Variants in CCDC178 observed in about 807,000 individuals in gnomAD.
The protein encoded by CCDC178 is coiled-coil domain containing 178, also known as coiled-coil domain-containing protein 178.
A neutral mutation model predicts 117.4 loss-of-function variants in CCDC178; 126 were observed. That is an observed-to-expected ratio of 1.07 (90% confidence interval 0.93 to 1.24). CCDC178 has a LOEUF of 1.24. Ranked by LOEUF, CCDC178 falls within the 50% of genes most tolerant of loss-of-function variation. The probability of loss-of-function intolerance (pLI) is 0.00; values close to 1 mark genes in which losing one functional copy is unlikely to be tolerated. For synonymous variants in CCDC178, 283 were observed against 313.4 expected (o/e 0.90, Z 1.02); for missense variants, 1,030 against 986.9 (o/e 1.04, Z -0.59).
rs117073249 is a variant in CCDC178, at chr18:33,383,935, T to C, written c.208+5605A>G. ...TTCGCTGAGCTAAAGGATTATGTTCTAACACAATGCAAAGAAGCTAAGAAC... is the reference window on the plus strand; with the variant it reads ...TTCGCTGAGCTAAAGGATTATGTTCCAACACAATGCAAAGAAGCTAAGAAC... On this transcript the variant is annotated intron_variant, in intron 5 of 22. Coordinates refer to ENST00000383096, the MANE Select transcript of CCDC178 (RefSeq NM_001105528.4). Among the ~76,000 whole-genome samples the C allele has an allele frequency of 8.9e-4, 135 of 152,220 alleles. 1 individual carries two copies. The East Asian group carries it at 0.023, about 26-fold the overall frequency.
chr18:32,960,022 T>C (rs932689509), intron 22 of CCDC178, among the ~76,000 whole-genome samples: 1 of 152,082 alleles, frequency 6.6e-6, no homozygotes, highest in Non-Finnish European at 1.5e-5. Flanking sequence ...TGGCTTAATA[T>C]GTCATTTAAC....
Position 33,364,731 on chromosome 18 carries a change from C to T in CCDC178, c.348+5319G>A, listed in dbSNP as rs868747465. On this transcript the variant is annotated intron_variant, in intron 6 of 22. Coordinates refer to ENST00000383096, the MANE Select transcript of CCDC178 (RefSeq NM_001105528.4). ...AGTTTGAAGCATTTCTGTTGTCGCTCCTTTTTTTTTTTTTTTTTTGCAAAG... is the reference window on the plus strand; with the variant it reads ...AGTTTGAAGCATTTCTGTTGTCGCTTCTTTTTTTTTTTTTTTTTTGCAAAG... Among the ~76,000 whole-genome samples the T allele has an allele frequency of 3.7e-3, 369 of 99,650 alleles. 5 individuals are homozygous for T. Among genetic ancestry groups the T allele is most frequent in the Non-Finnish European group, 4.5e-3 (228 of 50,404 alleles). The allele number at this position is 99,650 out of a possible 152,430, so 65.4% of individuals were successfully genotyped here.
rs553744420 is a variant in CCDC178, at chr18:33,143,468, C to T, written c.2239-50558G>A. ...CCCCTGAATATCCTCTGCTGTATCTCTATATTTTTGTTGTAAACAGATTAT... is the reference window on the plus strand; with the variant it reads ...CCCCTGAATATCCTCTGCTGTATCTTTATATTTTTGTTGTAAACAGATTAT... On this transcript the variant is annotated intron_variant, in intron 20 of 22. Coordinates refer to ENST00000383096, the MANE Select transcript of CCDC178 (RefSeq NM_001105528.4). 2.8e-4 allele frequency among the ~76,000 whole-genome samples: 43 copies of T among 152,230 alleles called. No individual in the cohort carries two copies. In the South Asian group the frequency reaches 3.1e-3, roughly 11 times the overall value.
rs758534698 is a variant in CCDC178, at chr18:33,224,877, A to G, written c.1716T>C (p.Asn572=). The change falls in exon 17 of 23, where the codon AAT becomes AAC. Residue 572 remains asparagine, a synonymous_variant. Transcript: ENST00000383096. ...QALERKELIK[N]RAICAMSLAE... ...CCAGTGACATGGCACATATTGCTCTATTTTTTATAAGCTCTTTCCGCTCAA... is the reference window on the plus strand; with the variant it reads ...CCAGTGACATGGCACATATTGCTCTGTTTTTTATAAGCTCTTTCCGCTCAA... 8.3e-5 allele frequency: 131 copies of G among 1,572,476 alleles called. No individual in the cohort carries two copies. Among genetic ancestry groups the G allele is most frequent in the South Asian group, 7.2e-4 (61 of 84,396 alleles).
At chr18:33,398,223 C>G (rs1243594075) in intron 3 of CCDC178, among the ~76,000 whole-genome samples, 1 of 151,704 alleles carries the variant, frequency 6.6e-6, no homozygotes, top group Admixed American at 6.6e-5. Flanking sequence ...ATGTCTAGAT[C>G]AATGAAAAGA....
At chr18:33,072,373 G>T (rs1264125085) in intron 21 of CCDC178, among the ~76,000 whole-genome samples, 3 of 152,092 alleles carry the variant, frequency 2.0e-5, no homozygotes, top group Admixed American at 1.3e-4. Flanking sequence ...GACAAAATGA[G>T]GAGGGTTATT....
At chr18:33,174,219 T>G (rs1483540388) in intron 20 of CCDC178, among the ~76,000 whole-genome samples, 1 of 152,028 alleles carries the variant, frequency 6.6e-6, no homozygotes. Context: ...TTGTAACAAA[T>G]TACTGACTGT....
intron 21 of CCDC178, among the ~76,000 whole-genome samples, chr18:33,019,966 G>A (rs1212399264): frequency 1.4e-5 from 2 of 145,726 alleles, no homozygotes; most frequent in Non-Finnish European, 3.0e-5. Flanking sequence ...TATTATTTGA[G>A]ATAGAGTCTT....
At chr18:33,290,101 G>A (rs966428291) in intron 12 of CCDC178, among the ~76,000 whole-genome samples, 2 of 152,102 alleles carry the variant, frequency 1.3e-5, no homozygotes, top group African/African-American at 4.8e-5. Context: ...ATTGATAGAA[G>A]TGTCAGAAAA....
intron 14 of CCDC178, among the ~76,000 whole-genome samples, chr18:33,259,966 T>C (rs1427221035): frequency 6.6e-6 from 1 of 152,160 alleles, no homozygotes; most frequent in Non-Finnish European, 1.5e-5. Flanking sequence ...AGAACTTTTA[T>C]ACAGAAGAGA....
chr18:33,232,189 C>T (rs533131128), intron 15 of CCDC178, among the ~76,000 whole-genome samples: 2 of 152,212 alleles, frequency 1.3e-5, no homozygotes, highest in South Asian at 4.1e-4. Flanking sequence ...TGACCTGCAG[C>T]CTGGTTTTAG....
rs751048073 is a variant in CCDC178, at chr18:33,369,068, AC to A, written c.348+981del. 4.3e-4 allele frequency among the ~76,000 whole-genome samples: 66 copies of A among 151,926 alleles called. 1 individual carries two copies. The highest frequency in any genetic ancestry group is 5.6e-4 in the Non-Finnish European group (38 of 67,900). On this transcript the variant is annotated intron_variant, in intron 6 of 22. Coordinates refer to ENST00000383096, the MANE Select transcript of CCDC178 (RefSeq NM_001105528.4). ...CTTGCCATAGTCTTCAAAGCCCAGG[AC>A]ACCATCAGTCCTGTGACCTATAAAG...
chr18:33,369,694 T>G (rs903319096), intron 6 of CCDC178, among the ~76,000 whole-genome samples: 4 of 151,992 alleles, frequency 2.6e-5, no homozygotes, highest in African/African-American at 9.7e-5. Context: ...CACACTGTCC[T>G]TTTATACACC....
intron 21 of CCDC178, among the ~76,000 whole-genome samples, chr18:33,029,335 A>C (rs1249910428): frequency 6.6e-6 from 1 of 151,428 alleles, no homozygotes; most frequent in East Asian, 1.9e-4. Flanking sequence ...ATTCCTTTTC[A>C]TTTTTCTAAA....
intron 5 of CCDC178, among the ~76,000 whole-genome samples, chr18:33,374,720 A>G (rs1468117293): frequency 6.7e-6 from 1 of 148,376 alleles, no homozygotes; most frequent in Non-Finnish European, 1.5e-5. Context: ...AAAATTGAAA[A>G]AATCTCAAAT....
chr18:33,241,719 G>A (rs183210670), intron 15 of CCDC178, among the ~76,000 whole-genome samples: 1 of 151,398 alleles, frequency 6.6e-6, no homozygotes, highest in Non-Finnish European at 1.5e-5. Context: ...AATTGAAGTG[G>A]ATACAAACAA....
At chr18:33,069,335 T>C (rs2057071194) in intron 21 of CCDC178, among the ~76,000 whole-genome samples, 2 of 152,072 alleles carry the variant, frequency 1.3e-5, no homozygotes, top group Non-Finnish European at 2.9e-5. Flanking sequence ...AACAGGCATA[T>C]ACACAATGGA....
intron 2 of CCDC178, among the ~76,000 whole-genome samples, chr18:33,435,308 T>C (rs978670948): frequency 9.9e-5 from 15 of 152,178 alleles, no homozygotes; most frequent in African/African-American, 3.6e-4. Context: ...TACTCAATAG[T>C]CACATGTAGC....
chr18:33,035,023 A>G (rs1254832739), intron 21 of CCDC178, among the ~76,000 whole-genome samples: 1 of 152,024 alleles, frequency 6.6e-6, no homozygotes, highest in Non-Finnish European at 1.5e-5. Flanking sequence ...AGTGTGGAAC[A>G]TGAGACATGT....
Sources: gnomAD v4.1 joint callset for allele counts (sites outside exome capture counted in the v4.1 genomes callset) on GRCh38, gnomAD v4.1.1 for gene constraint, MANE v1.5 for transcripts, NCBI Gene and HGNC (gene_info 2026-07-23, HGNC 2026-07-21) for gene names.